Variants in EPHA6 observed in about 807,000 individuals in gnomAD.
EPHA6 encodes the protein EPH receptor A6.
Under a neutral mutation model 112.0 loss-of-function variants are expected in EPHA6, and 50 were observed. The observed-to-expected ratio is 0.45, with a 90% CI of 0.36 to 0.56. The LOEUF (loss-of-function observed/expected upper bound fraction) is 0.56, where lower values mean the gene tolerates loss of function less well. Among genes scored for constraint, EPHA6 ranks in the 20% least tolerant of loss-of-function variants. The pLI is 0.00. For missense variants in EPHA6, 1,280 were observed against 1,417.4 expected (o/e 0.90, Z 1.56); for synonymous variants, 529 against 490.7 (o/e 1.08, Z -1.03).
At chr3:97,530,165 A>T (rs1166063334) in intron 10 of EPHA6, among the ~76,000 whole-genome samples, 1 of 152,052 alleles carries the variant, frequency 6.6e-6, no homozygotes, top group Non-Finnish European at 1.5e-5. Flanking sequence ...TCTGAGAATC[A>T]ATTTCAAGTA....
Position 97,475,460 on chromosome 3 carries a change from G to A in EPHA6, c.2003G>A (p.Arg668Lys). The change falls in exon 8 of 18, where the codon AGA (arginine) becomes AAA (lysine). Residue 668 changes from arginine to lysine, a missense_variant and splice_region_variant. By Grantham distance (26) the Arg-to-Lys change is conservative. Transcript: ENST00000389672. ...ILTLFFLITG[R>K]CQWYIKAKMK... Reference sequence around the variant, plus strand: ...ACTTTATTCTTCTTGATCACTGGGAGGTAACTGAAACATACCATACTATTT... The same window carrying A: ...ACTTTATTCTTCTTGATCACTGGGAAGTAACTGAAACATACCATACTATTT... 6.3e-7 allele frequency: 1 copy of A among 1,599,222 alleles called. No individual in the cohort carries two copies. Among genetic ancestry groups the A allele is most frequent in the Non-Finnish European group, 8.6e-7 (1 of 1,168,398 alleles).
At chr3:97,154,421 T>G (rs1179431495) in intron 3 of EPHA6, among the ~76,000 whole-genome samples, 2 of 152,178 alleles carry the variant, frequency 1.3e-5, no homozygotes, top group Non-Finnish European at 2.9e-5. Context: ...TTCCACATTA[T>G]GAAATGATTA....
At chr3:97,641,446 G>C (rs1368075974) in intron 14 of EPHA6, among the ~76,000 whole-genome samples, 1 of 152,124 alleles carries the variant, frequency 6.6e-6, no homozygotes, top group African/African-American at 2.4e-5. Context: ...AGCCAAGATG[G>C]CTGAATAGGA....
intron 1 of EPHA6, among the ~76,000 whole-genome samples, chr3:96,848,853 A>G (rs78487040): frequency 0.069 from 10,461 of 152,166 alleles, 711 homozygotes; most frequent in Admixed American, 0.21. Flanking sequence ...TATTTTGTAT[A>G]AAATTTTCTG....
intron 2 of EPHA6, among the ~76,000 whole-genome samples, chr3:96,984,513 A>G (rs1172827935): frequency 1.3e-5 from 2 of 152,082 alleles, no homozygotes; most frequent in Admixed American, 1.3e-4. Flanking sequence ...GACCCACTTG[A>G]GGAGGCAGTC....
intron 5 of EPHA6, among the ~76,000 whole-genome samples, chr3:97,328,103 T>A (rs2082574331): frequency 7.0e-6 from 1 of 142,466 alleles, no homozygotes; most frequent in Non-Finnish European, 1.5e-5. Context: ...AATCATTCAT[T>A]GAAGAATGTC....
At chr3:96,904,061 G>A (rs2107581410) in intron 2 of EPHA6, among the ~76,000 whole-genome samples, 1 of 152,140 alleles carries the variant, frequency 6.6e-6, no homozygotes, top group South Asian at 2.1e-4. Flanking sequence ...ATTCCTCAGG[G>A]ATCTAGAACT....
At chr3:97,255,138 T>A (rs1021056340) in intron 5 of EPHA6, among the ~76,000 whole-genome samples, 1 of 130,796 alleles carries the variant, frequency 7.6e-6, no homozygotes, top group Admixed American at 8.6e-5. Context: ...CAGAGGTACA[T>A]CTTGGATGTG....
intron 11 of EPHA6, among the ~76,000 whole-genome samples, chr3:97,549,297 T>C (rs1394969283): frequency 6.6e-6 from 1 of 152,136 alleles, no homozygotes; most frequent in Middle Eastern, 3.2e-3. Flanking sequence ...GGCCCCTAAA[T>C]GTGCAAAATC....
At chr3:97,662,888 C>T (rs1002552535) in intron 14 of EPHA6, among the ~76,000 whole-genome samples, 3 of 152,192 alleles carry the variant, frequency 2.0e-5, no homozygotes, top group Non-Finnish European at 4.4e-5. Flanking sequence ...TATGCATGTA[C>T]TGCAACAGTC....
rs2090394134 is a variant in EPHA6 at position 97,447,702 on chromosome 3, A to C, written c.1732-866A>C. 3.1e-6 allele frequency: 3 copies of C among 965,426 alleles called. No homozygotes were observed. The Admixed American group carries it at 1.8e-4, about 58-fold the overall frequency. 59.8% of individuals were successfully genotyped at this position (965,426 alleles called of 1,614,324 possible). On this transcript the variant is annotated intron_variant, in intron 6 of 17. Coordinates refer to ENST00000389672, the MANE Select transcript of EPHA6 (RefSeq NM_001080448.3). ...AGTGGGCAAGAGAGACCATGTAACA[A>C]ACCCTGACTGTCTAGATCATCCAGA... is the stretch of plus-strand genomic sequence containing the variant.
chr3:96,982,627 A>T (rs4428205), intron 2 of EPHA6, among the ~76,000 whole-genome samples: 2 of 151,992 alleles, frequency 1.3e-5, no homozygotes, highest in Non-Finnish European at 2.9e-5. Context: ...TTTCTGTCTC[A>T]TTGATCTGTC....
At chr3:97,373,343 C>T (rs903089975) in intron 5 of EPHA6, among the ~76,000 whole-genome samples, 61 of 152,158 alleles carry the variant, frequency 4.0e-4, no homozygotes, top group African/African-American at 1.2e-3. Context: ...TTCAGCCTTA[C>T]GATGGCAGCT....
At position 97,053,333 on chromosome 3, in the gene EPHA6, G is replaced by A. The variant is rs937160431; in HGVS notation, c.1114+65340G>A. Among the ~76,000 whole-genome samples the A allele has an allele frequency of 2.0e-5, 3 of 152,172 alleles. No homozygotes were observed. The South Asian group carries it at 6.2e-4, about 32-fold the overall frequency. ...AGAAGGACTAGTAAGTTCAATTCGA[G>A]CAGAGCTGTGAGATCAGATGTAGTA... On this transcript the variant is annotated intron_variant, in intron 3 of 17. Transcript: ENST00000389672.
intron 6 of EPHA6, among the ~76,000 whole-genome samples, chr3:97,421,736 T>A (rs541747130): frequency 3.9e-5 from 6 of 152,148 alleles, no homozygotes; most frequent in Admixed American, 6.6e-5. Context: ...AGAGTTACTG[T>A]ATAGTGCATA....
intron 11 of EPHA6, among the ~76,000 whole-genome samples, chr3:97,552,888 C>A (rs905331736): frequency 1.3e-5 from 2 of 152,040 alleles, no homozygotes; most frequent in South Asian, 2.1e-4. Flanking sequence ...CTGAATTGAG[C>A]CTTGTCTTAC....
chr3:96,984,471 G>T (rs1024381250), intron 2 of EPHA6, among the ~76,000 whole-genome samples: 1 of 152,190 alleles, frequency 6.6e-6, no homozygotes, highest in South Asian at 2.1e-4. Context: ...CTACTGGGGG[G>T]TGCCTCCCAG....
chr3:97,381,257 T>A (rs1237669125), intron 5 of EPHA6, among the ~76,000 whole-genome samples: 2 of 152,098 alleles, frequency 1.3e-5, no homozygotes, highest in Admixed American at 6.6e-5. Flanking sequence ...AAATATTTAT[T>A]AGCATAATAA....
chr3:97,328,829 A>ATTG, intron 5 of EPHA6, among the ~76,000 whole-genome samples: 1 of 152,084 alleles, frequency 6.6e-6, no homozygotes, highest in African/African-American at 2.4e-5. Flanking sequence ...TATTATTATT[A>ATTG]TTGTACTTTA....
Sources: gnomAD v4.1 joint callset for allele counts (sites outside exome capture counted in the v4.1 genomes callset) on GRCh38, gnomAD v4.1.1 for gene constraint, MANE v1.5 for transcripts, NCBI Gene and HGNC (gene_info 2026-07-23, HGNC 2026-07-21) for gene names.